The following CNTN3 variants were observed in gnomAD, a reference collection of about 807,000 sequenced individuals.
CNTN3 encodes contactin-3.
Under a neutral mutation model 119.1 loss-of-function variants are expected in CNTN3, and 60 were observed. The observed-to-expected ratio is 0.50, with a 90% CI of 0.41 to 0.62. The LOEUF (loss-of-function observed/expected upper bound fraction) is 0.62. Ranked by LOEUF, CNTN3 falls within the 20% of genes least tolerant of loss-of-function variation. The probability of loss-of-function intolerance (pLI) is 0.00; values close to 1 mark genes in which losing one functional copy is unlikely to be tolerated. For synonymous variants in CNTN3, 450 were observed against 438.7 expected (o/e 1.03, Z -0.32); for missense variants, 1,101 against 1,242.4 (o/e 0.89, Z 1.71).
intron 5 of CNTN3, among the ~76,000 whole-genome samples, chr3:74,394,930 T>C (rs918138039): frequency 6.6e-6 from 1 of 152,186 alleles, no homozygotes; most frequent in African/African-American, 2.4e-5. Flanking sequence ...ACTCTTTTAT[T>C]GTACATTAAT....
At chr3:74,299,075 C>T (rs574078917) in intron 17 of CNTN3, among the ~76,000 whole-genome samples, 210 of 152,000 alleles carry the variant, frequency 1.4e-3, no homozygotes, top group Non-Finnish European at 2.7e-3. Flanking sequence ...CGCATGGTGG[C>T]GCATGCCTGT....
chr3:74,450,055 C>A (rs1702119849), intron 4 of CNTN3, among the ~76,000 whole-genome samples: 1 of 151,948 alleles, frequency 6.6e-6, no homozygotes, highest in African/African-American at 2.4e-5. Context: ...ATAGCCCTTA[C>A]CTAAGAAACA....
intron 4 of CNTN3, among the ~76,000 whole-genome samples, chr3:74,452,027 A>C (rs923922785): frequency 1.4e-5 from 2 of 144,648 alleles, no homozygotes; most frequent in Admixed American, 1.4e-4. Flanking sequence ...TGAACTTTAA[A>C]GTAGTTTTTT....
intron 13 of CNTN3, among the ~76,000 whole-genome samples, chr3:74,305,235 C>T (rs891795537): frequency 2.6e-5 from 4 of 152,050 alleles, no homozygotes; most frequent in Non-Finnish European, 4.4e-5. Flanking sequence ...GTGTAGACGA[C>T]GGCAAAATGA....
chr3:74,285,222 G>C, intron 20 of CNTN3, 83 bp downstream of exon 20: 2 of 1,380,160 alleles, frequency 1.4e-6, no homozygotes, highest in Non-Finnish European at 2.0e-6. Context: ...GACTTGGGTT[G>C]TCCATTTCAA....
At chr3:74,324,494 T>C (rs1703082397) in intron 13 of CNTN3, among the ~76,000 whole-genome samples, 1 of 152,184 alleles carries the variant, frequency 6.6e-6, no homozygotes, top group Admixed American at 6.5e-5. Context: ...AGGCAACTCT[T>C]CTAAGAATTG....
Position 74,266,473 on chromosome 3 carries a change from C to T in CNTN3, c.2986+8G>A, listed in dbSNP as rs755251311. 5.0e-6 allele frequency: 8 copies of T among 1,611,450 alleles called. No homozygotes were observed. Among genetic ancestry groups the T allele is most frequent in the Non-Finnish European group, 6.8e-6 (8 of 1,178,232 alleles). ...CAATAAAGTAAATAATGGCTTCAAC[C>T]AACTTACTGGTTATTCGTGGAATCC... On this transcript the variant is annotated splice_region_variant and intron_variant, in intron 22 of 22. Transcript: ENST00000263665.
chr3:74,274,471 T>A (rs1335421471), intron 20 of CNTN3, among the ~76,000 whole-genome samples: 2 of 152,106 alleles, frequency 1.3e-5, no homozygotes, highest in African/African-American at 4.8e-5. Flanking sequence ...ATGGTTTACA[T>A]CATAGGACTC....
chr3:74,286,926 C>T (rs1208210489), intron 19 of CNTN3, among the ~76,000 whole-genome samples: 1 of 152,146 alleles, frequency 6.6e-6, no homozygotes, highest in Non-Finnish European at 1.5e-5. Flanking sequence ...CAGCAGACAG[C>T]AGGAGGGAAA....
chr3:74,608,598 T>C (rs999176047), intron 1 of CNTN3, among the ~76,000 whole-genome samples: 3 of 152,196 alleles, frequency 2.0e-5, no homozygotes, highest in Admixed American at 6.5e-5. Context: ...AAGATGTTCA[T>C]CTGTTGTCAA....
At chr3:74,544,355 T>C (rs942381334) in intron 1 of CNTN3, among the ~76,000 whole-genome samples, 2 of 152,220 alleles carry the variant, frequency 1.3e-5, no homozygotes, top group South Asian at 4.1e-4. Context: ...TGTTGAACTC[T>C]TCACTGAACA....
Position 74,264,280 on chromosome 3 carries a change from A to G in CNTN3, c.*121T>C. ...TTTTTAATTATATTCATATTTACCT[A>G]TAATGAAGTAGAAAGTTAAAAATAA... On this transcript the variant is annotated 3_prime_UTR_variant, in exon 23 of 23. Coordinates refer to ENST00000263665, the MANE Select transcript of CNTN3 (RefSeq NM_020872.3). 2.2e-6 allele frequency: 1 copy of G among 450,868 alleles called. No homozygotes were observed. The highest frequency in any genetic ancestry group is 2.0e-5 in the African/African-American group (1 of 49,340). 27.9% of individuals were successfully genotyped at this position (450,868 alleles called of 1,614,324 possible). A position where few individuals can be genotyped will look rare whatever the true frequency, so the allele number is the denominator to read the frequency against.
intron 13 of CNTN3, among the ~76,000 whole-genome samples, chr3:74,331,376 T>C (rs480417): frequency 0.032 from 4,798 of 152,250 alleles, 267 homozygotes; most frequent in African/African-American, 0.11. Flanking sequence ...CCTGGGTGTG[T>C]AGTAGGCTGT....
At chr3:74,542,704 T>C (rs1703858691) in intron 1 of CNTN3, among the ~76,000 whole-genome samples, 1 of 152,232 alleles carries the variant, frequency 6.6e-6, no homozygotes, top group Non-Finnish European at 1.5e-5. Flanking sequence ...TGTAAATTTG[T>C]CAATCATATA....
intron 13 of CNTN3, among the ~76,000 whole-genome samples, chr3:74,319,037 C>T (rs1041738417): frequency 6.6e-5 from 10 of 152,148 alleles, no homozygotes; most frequent in Non-Finnish European, 5.9e-5. Flanking sequence ...AATGGAAGAA[C>T]ATTCCTTGCT....
intron 5 of CNTN3, among the ~76,000 whole-genome samples, chr3:74,420,668 G>C (rs1037422142): frequency 2.0e-5 from 3 of 152,198 alleles, no homozygotes; most frequent in African/African-American, 7.2e-5. Context: ...TTAGGACAGT[G>C]TCACTTCTGC....
intron 5 of CNTN3, among the ~76,000 whole-genome samples, chr3:74,387,469 A>T (rs1044742657): frequency 1.3e-5 from 2 of 152,246 alleles, no homozygotes; most frequent in Admixed American, 1.3e-4. Flanking sequence ...AATACTCAAA[A>T]TGCAGAAATG....
At chr3:74,525,139 T>G (rs941657427) in intron 1 of CNTN3, among the ~76,000 whole-genome samples, 1 of 151,710 alleles carries the variant, frequency 6.6e-6, no homozygotes, top group Non-Finnish European at 1.5e-5. Context: ...CTTAACAAGA[T>G]GAAAAGAGAA....
rs540445923 is a variant in CNTN3, at chr3:74,429,901, T to C, written c.359-4961A>G. Among the ~76,000 whole-genome samples, 13 of 152,196 alleles carry C rather than the reference T, an allele frequency of 8.5e-5. No individual in the cohort carries two copies. In the South Asian group the frequency reaches 2.7e-3, roughly 32 times the overall value. On this transcript the variant is annotated intron_variant, in intron 4 of 22. Transcript: ENST00000263665. ...AAAAGATGTTCAACATCATTAGACATCGGGGAAATGCAAATTAAAACTACA... is the reference window on the plus strand; with the variant it reads ...AAAAGATGTTCAACATCATTAGACACCGGGGAAATGCAAATTAAAACTACA...
Sources: gnomAD v4.1 joint callset for allele counts (sites outside exome capture counted in the v4.1 genomes callset) on GRCh38, gnomAD v4.1.1 for gene constraint, MANE v1.5 for transcripts, NCBI Gene and HGNC (gene_info 2026-07-23, HGNC 2026-07-21) for gene names.